PCDHGA1: variants seen among roughly 807,000 people sequenced by gnomAD.
PCDHGA1 encodes the protein protocadherin gamma subfamily A, 1, also known as protocadherin gamma-A1.
A neutral mutation model predicts 58.0 loss-of-function variants in PCDHGA1; 32 were observed. The observed-to-expected ratio is 0.55, with a 90% CI of 0.42 to 0.74. PCDHGA1 has a LOEUF of 0.74. Among genes scored for constraint, PCDHGA1 ranks in the 30% least tolerant of loss-of-function variants. The pLI is 0.00. For synonymous variants in PCDHGA1, 498 were observed against 501.1 expected (o/e 0.99, Z 0.08); for missense variants, 1,205 against 1,182.3 (o/e 1.02, Z -0.28).
At position 141,432,872 on chromosome 5, in the gene PCDHGA1, C is replaced by T; in HGVS notation, c.2422-61935C>T. On this transcript the variant is annotated intron_variant, in intron 1 of 3. Transcript: ENST00000517417. This position sits in a 1 kb window ranked among gnomAD's most constrained non-coding sequence, Gnocchi z 6.0. ...GGTGGCCGCGGTCTCCTGCGTCTTC[C>T]TGGCCTTCGTCATCTTGCTGCTGGC... is the stretch of plus-strand genomic sequence containing the variant. 1.9e-6 allele frequency: 3 copies of T among 1,614,192 alleles called. No homozygotes were observed. Among genetic ancestry groups the T allele is most frequent in the Non-Finnish European group, 2.5e-6 (3 of 1,180,018 alleles).
chr5:141,495,465 G>T (rs563411010), intron 2 of PCDHGA1, among the ~76,000 whole-genome samples: 11 of 152,298 alleles, frequency 7.2e-5, no homozygotes, highest in African/African-American at 2.4e-4. Flanking sequence ...TGTCTGTGGG[G>T]TCTCCGTGTC....
In PCDHGA1 at chr5:141,372,716, T is replaced by C. The variant is rs1305256970; in HGVS notation, c.2421+39611T>C. The C allele has an allele frequency of 1.9e-6, 3 of 1,613,946 alleles. No homozygotes were observed. The East Asian group carries it at 6.7e-5, about 36-fold the overall frequency. ...AATTTCTCAATATAAAGGCTGAAAATGCTGCACCACAAGATCTTCTATGTG... is the reference window on the plus strand; with the variant it reads ...AATTTCTCAATATAAAGGCTGAAAACGCTGCACCACAAGATCTTCTATGTG... On this transcript the variant is annotated intron_variant, in intron 1 of 3. Coordinates refer to ENST00000517417, the MANE Select transcript of PCDHGA1 (RefSeq NM_018912.3).
intron 1 of PCDHGA1, chr5:141,351,862 C>A: frequency 6.2e-7 from 1 of 1,613,236 alleles, no homozygotes; most frequent in South Asian, 1.1e-5. Context: ...GGGACCAGGG[C>A]TCCCCCGCGC....
At chr5:141,481,327 T>C (rs2099535776) in intron 1 of PCDHGA1, among the ~76,000 whole-genome samples, 1 of 152,244 alleles carries the variant, frequency 6.6e-6, no homozygotes, top group Non-Finnish European at 1.5e-5. Context: ...CACTAGCCCC[T>C]GGACAACTAT....
At chr5:141,385,113 G>A (rs541716228) in intron 1 of PCDHGA1, 3 of 1,614,166 alleles carry the variant, frequency 1.9e-6, no homozygotes, top group South Asian at 2.2e-5. Context: ...TGCCCACCTC[G>A]CACTTTGTGG....
At chr5:141,391,562 C>T (rs927673920) in intron 1 of PCDHGA1, 2 of 152,064 alleles carry the variant, frequency 1.3e-5, no homozygotes, top group Non-Finnish European at 1.5e-5. Flanking sequence ...TTTCCATATG[C>T]ATAAGAAAAT....
intron 1 of PCDHGA1, chr5:141,346,068 G>C (rs201885897): frequency 1.2e-6 from 2 of 1,613,588 alleles, no homozygotes; most frequent in East Asian, 4.5e-5. Flanking sequence ...GGGCAGCCTC[G>C]AGCCCTCCGC....
intron 1 of PCDHGA1, among the ~76,000 whole-genome samples, chr5:141,338,164 C>T (rs887551232): frequency 5.9e-5 from 9 of 152,218 alleles, no homozygotes; most frequent in African/African-American, 2.2e-4. Context: ...AGTTACCATA[C>T]TCTATTATAC....
At chr5:141,365,192 A>G (rs1163553261) in intron 1 of PCDHGA1, 2 of 1,613,812 alleles carry the variant, frequency 1.2e-6, no homozygotes, top group African/African-American at 2.7e-5. Context: ...AGAAGAAAAA[A>G]TTTCGGAGAC....
At chr5:141,356,172 G>A (rs1760140235) in intron 1 of PCDHGA1, 1 of 1,612,824 alleles carries the variant, frequency 6.2e-7, no homozygotes. Context: ...CCCATGATGG[G>A]CCTGGTCTCC....
chr5:141,474,985 C>T (rs2099357651), intron 1 of PCDHGA1, among the ~76,000 whole-genome samples: 1 of 152,202 alleles, frequency 6.6e-6, no homozygotes, highest in Non-Finnish European at 1.5e-5. Context: ...TGTTTGGTGA[C>T]AACAATTCTA....
At position 141,332,333 on chromosome 5, in the gene PCDHGA1, T is replaced by G. The variant is rs1383619466; in HGVS notation, c.1649T>G (p.Leu550Arg). Reference protein sequence around the residue: ...PPLSSNVSLSLFLLDQNDNAP... With the variant: ...PPLSSNVSLSRFLLDQNDNAP... ...CTCAGCAGCAACGTGTCTCTCAGCC[T>G]ATTCCTGCTGGACCAGAACGACAAC... The change falls in exon 1 of 4, where the codon CTA becomes CGA. Residue 550 changes from leucine (L) to arginine (R), a missense_variant. Coordinates refer to ENST00000517417, the MANE Select transcript of PCDHGA1 (RefSeq NM_018912.3). The surrounding 1 kb of genome is among the most constrained non-coding windows in gnomAD (Gnocchi z 4.6). 1 of 1,614,164 alleles carries G rather than the reference T, an allele frequency of 6.2e-7. No homozygotes were observed. The highest frequency in any genetic ancestry group is 1.7e-5 in the Admixed American group (1 of 60,014).
In PCDHGA1 at chr5:141,330,706, A is replaced by G. The variant is rs565425376; in HGVS notation, c.22A>G (p.Thr8Ala). ...AGCCATGAAGATTCAGAAAAAGCTGACTGGCTGCAGCAGGCTGATGCTTCT... is the reference window on the plus strand; with the variant it reads ...AGCCATGAAGATTCAGAAAAAGCTGGCTGGCTGCAGCAGGCTGATGCTTCT... MKIQKKLTGCSRLMLLCL... is the reference protein window; with the variant it reads MKIQKKLAGCSRLMLLCL... The change falls in exon 1 of 4, where the codon ACT becomes GCT. Residue 8 changes from threonine to alanine, a missense_variant. Physicochemically the swap from Thr to Ala is moderately conservative, Grantham distance 58. Transcript: ENST00000517417. 1.6e-5 allele frequency: 25 copies of G among 1,608,600 alleles called. No homozygotes were observed. The African/African-American group carries it at 3.3e-4, about 21-fold the overall frequency.
rs1445356223 is a variant in PCDHGA1, at chr5:141,490,414, G to T, written c.2422-4393G>T. On this transcript the variant is annotated intron_variant, in intron 1 of 3. Transcript: ENST00000517417. This position sits in a 1 kb window ranked among gnomAD's most constrained non-coding sequence, Gnocchi z 5.4. ...TGAAGTGAGCCTTGATATCTCTCCGGACCTGCCATTTCAGATTAAGCCTTC... is the reference window on the plus strand; with the variant it reads ...TGAAGTGAGCCTTGATATCTCTCCGTACCTGCCATTTCAGATTAAGCCTTC... The T allele has an allele frequency of 1.2e-6, 2 of 1,614,138 alleles. No homozygotes were observed. The highest frequency in any genetic ancestry group is 1.7e-6 in the Non-Finnish European group (2 of 1,180,024).
chr5:141,433,837 CAAA>C (rs56191208), intron 1 of PCDHGA1, among the ~76,000 whole-genome samples: 5 of 111,684 alleles, frequency 4.5e-5, no homozygotes, highest in Admixed American at 2.0e-4. Flanking sequence ...AACTCTATCT[CAAA>C]AAAAAAAAAA....
intron 1 of PCDHGA1, chr5:141,350,802 A>G: frequency 1.2e-6 from 2 of 1,614,024 alleles, no homozygotes; most frequent in Non-Finnish European, 1.7e-6. Flanking sequence ...TCAACGAAGG[A>G]AAGTCCTGAT....
At position 141,344,158 on chromosome 5, in the gene PCDHGA1, G is replaced by A. The variant is rs761148064; in HGVS notation, c.2421+11053G>A. The A allele has an allele frequency of 1.2e-6, 2 of 1,613,910 alleles. No individual in the cohort carries two copies. The highest frequency in any genetic ancestry group is 1.7e-6 in the Non-Finnish European group (2 of 1,179,908). On this transcript the variant is annotated intron_variant, in intron 1 of 3. Coordinates refer to ENST00000517417, the MANE Select transcript of PCDHGA1 (RefSeq NM_018912.3). ...TCGGTGTCTGAGGAGCTAGATAAAG[G>A]TTCCTTCGTGGGCAACATCGCTAAC...
chr5:141,378,838 G>A (rs1352949775), intron 1 of PCDHGA1: 5 of 152,196 alleles, frequency 3.3e-5, no homozygotes, highest in Non-Finnish European at 1.5e-5. Flanking sequence ...GAAAACAGCA[G>A]AGTTTTTGAC....
At chr5:141,351,299 T>A (rs1158316654) in intron 1 of PCDHGA1, 9 of 1,613,848 alleles carry the variant, frequency 5.6e-6, no homozygotes, top group Non-Finnish European at 2.5e-6. Flanking sequence ...GACATTCATG[T>A]CCTTCTCTAA....
Sources: allele counts gnomAD v4.1 joint callset (sites outside exome capture counted in the v4.1 genomes callset), GRCh38; gene constraint gnomAD v4.1.1; non-coding constraint Gnocchi (gnomAD v3.1); transcripts MANE v1.5; gene names NCBI Gene and HGNC (gene_info 2026-07-23, HGNC 2026-07-21).